PARP4: variants seen among roughly 807,000 people sequenced by gnomAD.
PARP4 encodes protein mono-ADP-ribosyltransferase PARP4.
PARP4 carries 120 observed loss-of-function variants against 187.7 expected under a neutral mutation model. The observed-to-expected ratio is 0.64, with a 90% CI of 0.55 to 0.74. PARP4 has a LOEUF of 0.74. Among genes scored for constraint, PARP4 ranks in the 30% least tolerant of loss-of-function variants. The probability of loss-of-function intolerance (pLI) is 0.00; values close to 1 mark genes in which losing one functional copy is unlikely to be tolerated. For synonymous variants in PARP4, 654 were observed against 740.9 expected (o/e 0.88, Z 1.90); for missense variants, 1,836 against 2,070.5 (o/e 0.89, Z 2.20).
intron 30 of PARP4, among the ~76,000 whole-genome samples, chr13:24,437,071 G>A (rs1196523203): frequency 6.6e-6 from 1 of 152,058 alleles, no homozygotes; most frequent in East Asian, 1.9e-4. Flanking sequence ...ATGGAACAGA[G>A]TAGGTAAGTC....
chr13:24,430,300 C>A (rs1294212215), intron 32 of PARP4, among the ~76,000 whole-genome samples: 5 of 152,048 alleles, frequency 3.3e-5, no homozygotes, highest in African/African-American at 1.2e-4. Flanking sequence ...TGAGACGCTG[C>A]TGCTCTATCT....
rs559895144 is a variant in PARP4 at position 24,490,594 on chromosome 13, G to A, written c.1214+74C>T. On this transcript the variant is annotated intron_variant, in intron 10 of 33. Transcript: ENST00000381989. ...GCTGAAGATTATCTAGGTAATTACT[G>A]TAATTAGCTCTTTAACGGAGTCTCA... The A allele has an allele frequency of 8.0e-4, 898 of 1,123,510 alleles. 1 individual carries two copies. The highest frequency in any genetic ancestry group is 1.3e-3 in the South Asian group (92 of 70,080). 69.6% of individuals were successfully genotyped at this position (1,123,510 alleles called of 1,614,324 possible). A position where few individuals can be genotyped will look rare whatever the true frequency, so the allele number is the denominator to read the frequency against.
At chr13:24,455,886 G>T (rs1871818274) in intron 21 of PARP4, among the ~76,000 whole-genome samples, 1 of 151,848 alleles carries the variant, frequency 6.6e-6, no homozygotes, top group East Asian at 1.9e-4. Context: ...GCCTCTCAAA[G>T]TGCTGGGATT....
At chr13:24,425,567 G>GTATATCTATATCTATA (rs573054189) in intron 33 of PARP4, among the ~76,000 whole-genome samples, 42 of 142,378 alleles carry the variant, frequency 2.9e-4, no homozygotes, top group South Asian at 1.6e-3. Flanking sequence ...GTGTGTGTGT[G>GTATATCTATATCTATA]TGTATATCTA....
At chr13:24,486,911 G>A (rs1257457755) in intron 10 of PARP4, among the ~76,000 whole-genome samples, 8 of 150,714 alleles carry the variant, frequency 5.3e-5, no homozygotes, top group East Asian at 2.0e-4. Context: ...GCAATGAGCC[G>A]AGATCGCGCC....
chr13:24,493,614 G>C lies in PARP4; in HGVS notation c.861C>G (p.Asn287Lys), dbSNP rs765076314. 5 of 1,612,046 alleles carry C rather than the reference G, an allele frequency of 3.1e-6. No individual in the cohort carries two copies. In the Admixed American group the frequency reaches 5.1e-5, roughly 16 times the overall value. ...AACTTACATCGTTGAGGCTAATCCT[G>C]TTCACTGGCTTGAGAAGCATGTGTT... ...HLEHMLLKPV[N>K]RISLNDVSKA... The change falls in exon 8 of 34, where the codon AAC (asparagine) becomes AAG (lysine). Residue 287 changes from asparagine (N) to lysine (K), a missense_variant. Physicochemically the swap from Asn to Lys is moderately conservative, Grantham distance 94 (BLOSUM62 0). Transcript: ENST00000381989.
At position 24,459,139 on chromosome 13, in the gene PARP4, G is replaced by A; in HGVS notation, c.2346-17C>T. 1.3e-6 allele frequency: 2 copies of A among 1,593,682 alleles called. No individual in the cohort carries two copies. The highest frequency in any genetic ancestry group is 1.7e-6 in the Non-Finnish European group (2 of 1,166,448). On this transcript the variant is annotated splice_polypyrimidine_tract_variant and intron_variant, in intron 19 of 33. Coordinates refer to ENST00000381989, the MANE Select transcript of PARP4 (RefSeq NM_006437.4). ...AAAGAGAAGCTAGCAAAAATGAAGA[G>A]AAAGTTGTCTTAGTCTACGATCTTA...
rs910919932 is a variant in PARP4 at position 24,456,250 on chromosome 13, T to C, written c.2562+91A>G. 9 of 1,017,782 alleles carry C rather than the reference T, an allele frequency of 8.8e-6. No homozygotes were observed. The East Asian group carries it at 1.7e-4, about 20-fold the overall frequency. The allele number at this position is 1,017,782 out of a possible 1,614,324, so 63.0% of individuals were successfully genotyped here. A position where few individuals can be genotyped will look rare whatever the true frequency, so the allele number is the denominator to read the frequency against. On this transcript the variant is annotated intron_variant, in intron 21 of 33. Coordinates refer to ENST00000381989, the MANE Select transcript of PARP4 (RefSeq NM_006437.4). ...GAGTTCATTTTGTAATGCTAGTTTT[T>C]CAGGACAATCAATAATTTGCAAGTT... is the stretch of plus-strand genomic sequence containing the variant.
At chr13:24,459,846 A>T in intron 18 of PARP4, 126 bp downstream of exon 18, 1 of 715,722 alleles carries the variant, frequency 1.4e-6, no homozygotes. Context: ...ATGTCAGTAA[A>T]ATTAACTTTA....
chr13:24,441,919 A>G lies in PARP4; in HGVS notation c.3593T>C (p.Ile1198Thr), dbSNP rs771029927. 6.8e-6 allele frequency: 11 copies of G among 1,610,474 alleles called. No individual in the cohort carries two copies. The highest frequency in any genetic ancestry group is 4.0e-5 in the African/African-American group (3 of 74,608). ...CAGGAAGTCTACATCTTCTTTGGCA[A>G]TAAGTTCAGAAACTTTTGGAATATC... ...FPDIPKVSEL[I>T]AKEDVDFLPY... Residue 1198 changes from isoleucine to threonine, a missense_variant, in exon 30 of 34, where the codon ATT becomes ACT. Coordinates refer to ENST00000381989, the MANE Select transcript of PARP4 (RefSeq NM_006437.4).
rs184952656 is a variant in PARP4 at position 24,460,922 on chromosome 13, C to T, written c.2134-786G>A. On this transcript the variant is annotated intron_variant, in intron 17 of 33. Coordinates refer to ENST00000381989, the MANE Select transcript of PARP4 (RefSeq NM_006437.4). Reference sequence around the variant, plus strand: ...CCTCAAGTGACTCTTCCACCTTCTGCTCCCAAAGTGCTGGGATTACAGGTG... The same window carrying T: ...CCTCAAGTGACTCTTCCACCTTCTGTTCCCAAAGTGCTGGGATTACAGGTG... Among the ~76,000 whole-genome samples, 628 of 152,298 alleles carry T rather than the reference C, an allele frequency of 4.1e-3. 3 individuals are homozygous for T. Among genetic ancestry groups the T allele is most frequent in the African/African-American group, 0.015 (603 of 41,558 alleles).
chr13:24,433,153 G>T (rs1187684388), intron 31 of PARP4, among the ~76,000 whole-genome samples: 1 of 152,062 alleles, frequency 6.6e-6, no homozygotes, highest in Non-Finnish European at 1.5e-5. Context: ...GCCTTCCTAG[G>T]CTCCTGTTCC....
chr13:24,491,527 T>C (rs1222787209), intron 9 of PARP4, among the ~76,000 whole-genome samples: 3 of 152,258 alleles, frequency 2.0e-5, no homozygotes, highest in Non-Finnish European at 4.4e-5. Context: ...TACTGATTCC[T>C]CTGGGAATCT....
chr13:24,423,338 C>T lies in PARP4; in HGVS notation c.4980-2024G>A, dbSNP rs368476359. Reference sequence around the variant, plus strand: ...AGGCAGATCACTTGAGGCCAGAGTTCGAGACCAGCCTGGCCAACATGGCGA... The same window carrying T: ...AGGCAGATCACTTGAGGCCAGAGTTTGAGACCAGCCTGGCCAACATGGCGA... On this transcript the variant is annotated intron_variant, in intron 33 of 33. Coordinates refer to ENST00000381989, the MANE Select transcript of PARP4 (RefSeq NM_006437.4). Among the ~76,000 whole-genome samples, 237 of 152,202 alleles carry T rather than the reference C, an allele frequency of 1.6e-3. 3 individuals carry two copies. In the East Asian group the frequency reaches 0.018, roughly 11 times the overall value.
intron 27 of PARP4, among the ~76,000 whole-genome samples, 180 bp from the exon 28 acceptor site, chr13:24,443,910 G>A (rs1406839557): frequency 2.0e-5 from 3 of 152,184 alleles, no homozygotes; most frequent in Non-Finnish European, 2.9e-5. Flanking sequence ...TTGAAGTGAA[G>A]ACACAGAACA....
chr13:24,433,723 T>C (rs1362618513), intron 31 of PARP4, among the ~76,000 whole-genome samples: 3 of 148,008 alleles, frequency 2.0e-5, no homozygotes. Flanking sequence ...ATGAGGAAGC[T>C]GAGGCTCAGA....
chr13:24,489,963 G>A (rs1355908837), intron 10 of PARP4, among the ~76,000 whole-genome samples: 2 of 152,188 alleles, frequency 1.3e-5, no homozygotes, highest in Non-Finnish European at 2.9e-5. Context: ...GGTGTGTGCG[G>A]CTACAACTCA....
chr13:24,426,439 G>T (rs755406445), intron 33 of PARP4, 27 bp downstream of exon 33: 4 of 1,536,068 alleles, frequency 2.6e-6, no homozygotes, highest in Non-Finnish European at 8.9e-7. Context: ...ATATAAATAA[G>T]TTGCATAATA....
At chr13:24,503,925 G>A (rs1481414118) in intron 1 of PARP4, 148 bp from the exon 2 acceptor site, 1 of 669,432 alleles carries the variant, frequency 1.5e-6, no homozygotes. Context: ...TGCAAAAATT[G>A]AATAATATCC....
Sources: gnomAD v4.1 joint callset for allele counts (sites outside exome capture counted in the v4.1 genomes callset) on GRCh38, gnomAD v4.1.1 for gene constraint, MANE v1.5 for transcripts, NCBI Gene and HGNC (gene_info 2026-07-23, HGNC 2026-07-21) for gene names.